The following SPATA16 variants were observed in gnomAD, a reference collection of about 807,000 sequenced individuals.
The protein encoded by SPATA16 is spermatogenesis associated 16.
In SPATA16, 36 loss-of-function variants were observed where a neutral mutation model predicts 63.3. The observed-to-expected ratio is 0.57, with a 90% CI of 0.44 to 0.75. SPATA16 has a LOEUF of 0.75. SPATA16 is among the 30% of genes least tolerant of loss of function. SPATA16 has a pLI of 0.00. For synonymous variants in SPATA16, 203 were observed against 216.7 expected (o/e 0.94, Z 0.56); for missense variants, 646 against 679.3 (o/e 0.95, Z 0.54).
intron 2 of SPATA16, among the ~76,000 whole-genome samples, chr3:173,111,563 C>T (rs1737750404): frequency 6.6e-6 from 1 of 152,146 alleles, no homozygotes; most frequent in Non-Finnish European, 1.5e-5. Context: ...TTATGTGGCA[C>T]CAAAGAAATA....
chr3:172,940,414 G>A (rs1007461832), intron 6 of SPATA16, among the ~76,000 whole-genome samples: 1 of 152,126 alleles, frequency 6.6e-6, no homozygotes, highest in South Asian at 2.1e-4. Context: ...GAATTGATTG[G>A]TTTTTGAGAA....
chr3:172,898,704 T>A (rs1395312106), intron 10 of SPATA16, among the ~76,000 whole-genome samples: 1 of 151,704 alleles, frequency 6.6e-6, no homozygotes, highest in Non-Finnish European at 1.5e-5. Flanking sequence ...TCTGTTTTCA[T>A]TTCCATTGAT....
chr3:173,122,674 A>G (rs1038588368), intron 1 of SPATA16, among the ~76,000 whole-genome samples: 21 of 152,196 alleles, frequency 1.4e-4, no homozygotes, highest in African/African-American at 5.1e-4. Flanking sequence ...AGTTCCTACT[A>G]TGAGCAAGGT....
At chr3:173,017,458 A>C (rs1259463647) in intron 4 of SPATA16, among the ~76,000 whole-genome samples, 3 of 152,166 alleles carry the variant, frequency 2.0e-5, no homozygotes, top group Non-Finnish European at 4.4e-5. Flanking sequence ...CGAAAAATTT[A>C]TGTCATTACT....
intron 8 of SPATA16, among the ~76,000 whole-genome samples, chr3:172,917,162 G>A (rs894478545): frequency 4.6e-5 from 7 of 152,080 alleles, no homozygotes; most frequent in African/African-American, 7.2e-5. Context: ...AAGATGGGGC[G>A]CATTTAGAAA....
At chr3:173,052,490 A>G (rs6445094) in intron 2 of SPATA16, among the ~76,000 whole-genome samples, 29,225 of 152,056 alleles carry the variant, frequency 0.19, 3,165 homozygotes, top group African/African-American at 0.3. Context: ...TTTACTGACT[A>G]TATCGAAGAT....
At chr3:173,004,417 A>G (rs1161912457) in intron 4 of SPATA16, among the ~76,000 whole-genome samples, 3 of 149,118 alleles carry the variant, frequency 2.0e-5, no homozygotes, top group African/African-American at 7.5e-5. Context: ...GCTAAAATTC[A>G]TGGCATACCA....
chr3:173,086,342 C>T (rs1737052597), intron 2 of SPATA16, among the ~76,000 whole-genome samples: 1 of 152,106 alleles, frequency 6.6e-6, no homozygotes, highest in South Asian at 2.1e-4. Context: ...ATAGTATTCT[C>T]TCTGACAATT....
At chr3:173,038,198 A>G (rs1735758435) in intron 3 of SPATA16, among the ~76,000 whole-genome samples, 1 of 151,960 alleles carries the variant, frequency 6.6e-6, no homozygotes, top group Non-Finnish European at 1.5e-5. Flanking sequence ...TCTTTTTTTT[A>G]TCTCCTCCAA....
chr3:173,124,502 T>C (rs753965682), intron 1 of SPATA16, among the ~76,000 whole-genome samples: 8 of 152,226 alleles, frequency 5.3e-5, no homozygotes, highest in Non-Finnish European at 7.3e-5. Flanking sequence ...AGCCTCTCAA[T>C]GACTTTGCTG....
chr3:173,134,778 G>A (rs1389120873), intron 1 of SPATA16, among the ~76,000 whole-genome samples: 4 of 152,110 alleles, frequency 2.6e-5, no homozygotes, highest in Admixed American at 1.3e-4. Flanking sequence ...TAAATAAATG[G>A]TGCTGGCCTA....
At chr3:173,039,101 T>A (rs1735781802) in intron 3 of SPATA16, among the ~76,000 whole-genome samples, 2 of 150,744 alleles carry the variant, frequency 1.3e-5, no homozygotes, top group African/African-American at 4.9e-5. Flanking sequence ...ATCTAGAACT[T>A]TTTTTTTTAA....
At chr3:172,898,110 T>A (rs983831242) in intron 10 of SPATA16, among the ~76,000 whole-genome samples, 2 of 152,034 alleles carry the variant, frequency 1.3e-5, no homozygotes, top group Non-Finnish European at 2.9e-5. Flanking sequence ...TTCCACTTAG[T>A]TATGGTATAT....
chr3:172,994,760 A>T (rs1734658880), intron 4 of SPATA16, among the ~76,000 whole-genome samples: 3 of 152,206 alleles, frequency 2.0e-5, no homozygotes, highest in African/African-American at 7.2e-5. Flanking sequence ...AATTAACAAT[A>T]TGGTGTGAAT....
At chr3:172,961,212 G>A (rs970197880) in intron 5 of SPATA16, among the ~76,000 whole-genome samples, 31 of 151,400 alleles carry the variant, frequency 2.0e-4, no homozygotes, top group African/African-American at 7.1e-4. Context: ...ATCTTGTCAC[G>A]TGAAATTAGA....
intron 10 of SPATA16, among the ~76,000 whole-genome samples, chr3:172,904,813 G>A (rs776740154): frequency 9.2e-5 from 14 of 152,178 alleles, no homozygotes; most frequent in Non-Finnish European, 1.3e-4. Context: ...CGAGGCTTGG[G>A]CTTTGCTCTG....
chr3:173,030,858 A>G (rs139345525), intron 3 of SPATA16, among the ~76,000 whole-genome samples: 22 of 152,224 alleles, frequency 1.4e-4, no homozygotes, highest in Non-Finnish European at 2.6e-4. Flanking sequence ...TGGATTAACA[A>G]AACATGGTAT....
At chr3:173,024,153 A>G (rs1267701385) in intron 3 of SPATA16, among the ~76,000 whole-genome samples, 1 of 151,544 alleles carries the variant, frequency 6.6e-6, no homozygotes, top group African/African-American at 2.4e-5. Flanking sequence ...CATAGCATTT[A>G]AACATGTATT....
chr3:172,898,554 T>A (rs1732056222), intron 10 of SPATA16, among the ~76,000 whole-genome samples: 3 of 151,970 alleles, frequency 2.0e-5, no homozygotes, highest in African/African-American at 7.2e-5. Flanking sequence ...GCATCTGTAG[T>A]GATGTTCCAT....
Sources: allele counts gnomAD v4.1 joint callset (sites outside exome capture counted in the v4.1 genomes callset), GRCh38; gene constraint gnomAD v4.1.1; transcripts MANE v1.5; gene names NCBI Gene and HGNC (gene_info 2026-07-23, HGNC 2026-07-21).